The following STUB1 variants were observed in gnomAD, a reference collection of about 807,000 sequenced individuals.
STUB1 encodes the protein STIP1 homology and U-box containing protein 1.
A neutral mutation model predicts 40.3 loss-of-function variants in STUB1; 37 were observed. The observed-to-expected ratio is 0.92, with a 90% CI of 0.71 to 1.21. The LOEUF (loss-of-function observed/expected upper bound fraction) is 1.21. Among genes scored for constraint, STUB1 ranks in the 50% most tolerant of loss-of-function variants. STUB1 has a pLI of 0.00. For synonymous variants in STUB1, 246 were observed against 171.9 expected (o/e 1.43, Z -3.37); for missense variants, 460 against 421.9 (o/e 1.09, Z -0.79).
rs2039722774 is a variant in STUB1 at position 682,696 on chromosome 16, G to A, written c.*207G>A. On this transcript the variant is annotated 3_prime_UTR_variant, in exon 7 of 7. Transcript: ENST00000219548. ...CTGGAAAAGCAGGTGAGGGTGGGCT[G>A]GGCTGAGGCCATTGCCGCCACTATC... The A allele has an allele frequency of 6.8e-7, 1 of 1,468,186 alleles. No individual in the cohort carries two copies. Among genetic ancestry groups the A allele is most frequent in the African/African-American group, 1.4e-5 (1 of 72,250 alleles). The allele number at this position is 1,468,186 out of a possible 1,614,324, so 90.9% of individuals were successfully genotyped here.
rs11558085 is a variant in STUB1 at position 680,620 on chromosome 16, A to G, written c.95A>G (p.Gln32Arg). ...KSPSAQELKE[Q>R]GNRLFVGRKY... is the part of the protein sequence containing the mutation. ...CCGAGCGCGCAGGAGCTCAAGGAGC[A>G]GGGCAATCGTCTGTTCGTGGGCCGA... The change falls in exon 1 of 7, where the codon CAG (glutamine) becomes CGG (arginine). Residue 32 changes from glutamine (Q) to arginine (R), a missense_variant. Coordinates refer to ENST00000219548, the MANE Select transcript of STUB1 (RefSeq NM_005861.4). This position sits in a 1 kb window ranked among gnomAD's most constrained non-coding sequence, Gnocchi z 4.9. 1 of 1,395,916 alleles carries G rather than the reference A, an allele frequency of 7.2e-7. No individual in the cohort carries two copies. Among genetic ancestry groups the G allele is most frequent in the Non-Finnish European group, 9.4e-7 (1 of 1,064,684 alleles). 86.5% of individuals were successfully genotyped at this position (1,395,916 alleles called of 1,614,324 possible). A position where few individuals can be genotyped will look rare whatever the true frequency, so the allele number is the denominator to read the frequency against.
Position 682,509 on chromosome 16 carries a change from C to A in STUB1, c.*20C>A. ...TACTGAGGTTCCCTGCCCTACCTGG[C>A]GTCCTGGTCCAGGGGAGCCCTGGGC... On this transcript the variant is annotated 3_prime_UTR_variant, in exon 7 of 7. Transcript: ENST00000219548. The A allele has an allele frequency of 6.2e-7, 1 of 1,612,786 alleles. No homozygotes were observed. The highest frequency in any genetic ancestry group is 1.7e-5 in the Admixed American group (1 of 60,020).
Position 680,438 on chromosome 16 carries a change from G to C in STUB1, c.-88G>C, listed in dbSNP as rs2039630622. 9.9e-6 allele frequency: 11 copies of C among 1,114,642 alleles called. No homozygotes were observed. Among genetic ancestry groups the C allele is most frequent in the South Asian group, 4.4e-5 (1 of 22,818 alleles). The allele number at this position is 1,114,642 out of a possible 1,614,324, so 69.0% of individuals were successfully genotyped here. ...GCTGGGCCGGGCCCGAGCGGATCGC[G>C]GGCTCGGGCTGCGGGGCTCCGGCTG... On this transcript the variant is annotated 5_prime_UTR_variant, in exon 1 of 7. Coordinates refer to ENST00000219548, the MANE Select transcript of STUB1 (RefSeq NM_005861.4). This position sits in a 1 kb window ranked among gnomAD's most constrained non-coding sequence, Gnocchi z 4.9.
Position 682,158 on chromosome 16 carries a change from G to A in STUB1, c.670-7G>A, listed in dbSNP as rs1307039944. ...TCAGCCTCTGACCGTGTGCCCCTGT[G>A]CCACAGAAGCGAGACATCCCCGACT... On this transcript the variant is annotated splice_region_variant and splice_polypyrimidine_tract_variant and intron_variant, in intron 5 of 6. Transcript: ENST00000219548. The A allele has an allele frequency of 1.9e-6, 3 of 1,602,674 alleles. No individual in the cohort carries two copies. Among genetic ancestry groups the A allele is most frequent in the Non-Finnish European group, 2.6e-6 (3 of 1,171,022 alleles).
rs1409167389 is a variant in STUB1, at chr16:682,624, C to G, written c.*135C>G. 6.9e-7 allele frequency: 1 copy of G among 1,448,738 alleles called. No individual in the cohort carries two copies. Among genetic ancestry groups the G allele is most frequent in the Admixed American group, 2.0e-5 (1 of 50,236 alleles). 89.7% of individuals were successfully genotyped at this position (1,448,738 alleles called of 1,614,324 possible). On this transcript the variant is annotated 3_prime_UTR_variant, in exon 7 of 7. Transcript: ENST00000219548. The stretch of plus-strand genomic sequence containing the variant: ...TGCTGTTGGACTCTGGACTGTTTCC[C>G]CTCTCAGCATCGCTTTTGCTGGGCC...
In STUB1 at chr16:681,300, GC is replaced by G; in HGVS notation, c.310del (p.Gln104SerfsTer26). On this transcript the variant is annotated frameshift_variant, in exon 2 of 7. Coordinates refer to ENST00000219548, the MANE Select transcript of STUB1 (RefSeq NM_005861.4). LOFTEE classifies it high-confidence loss of function. ...SVKAHFFLGQ[C>X]QLEMESYDEA... ...AAGGCGCACTTCTTCCTGGGGCAGT[GC>G]CAGCTGGAGATGGAGAGCTATGATG... 1 of 1,612,924 alleles carries G rather than the reference GC, an allele frequency of 6.2e-7. No homozygotes were observed. Among genetic ancestry groups the G allele is most frequent in the Non-Finnish European group, 8.5e-7 (1 of 1,179,996 alleles).
In STUB1 at chr16:680,556, G is replaced by T. The variant is rs777501465; in HGVS notation, c.31G>T (p.Ala11Ser). ...GGGCAAGGAGGAGAAGGAGGGCGGC[G>T]CACGGCTGGGCGCTGGCGGCGGAAG... MKGKEEKEGG[A>S]RLGAGGGSPE... The change falls in exon 1 of 7, where the codon GCA becomes TCA. Residue 11 changes from alanine (A) to serine (S), a missense_variant. Physicochemically the swap from Ala to Ser is moderately conservative, Grantham distance 99. Coordinates refer to ENST00000219548, the MANE Select transcript of STUB1 (RefSeq NM_005861.4). The surrounding 1 kb of genome is among the most constrained non-coding windows in gnomAD (Gnocchi z 4.9). 5 of 1,360,178 alleles carry T rather than the reference G, an allele frequency of 3.7e-6. No homozygotes were observed. Among genetic ancestry groups the T allele is most frequent in the Non-Finnish European group, 3.8e-6 (4 of 1,046,860 alleles). The allele number at this position is 1,360,178 out of a possible 1,614,324, so 84.3% of individuals were successfully genotyped here.
chr16:680,588 GA>G lies in STUB1; in HGVS notation c.65del (p.Lys22ArgfsTer50), dbSNP rs2039633804. On this transcript the variant is annotated frameshift_variant, in exon 1 of 7. Transcript: ENST00000219548. LOFTEE classifies it high-confidence loss of function. The surrounding 1 kb of genome is among the most constrained non-coding windows in gnomAD (Gnocchi z 4.9). ...TGGGCGCTGGCGGCGGAAGCCCCGA[GA>G]AGAGCCCGAGCGCGCAGGAGCTCAA... ...RLGAGGGSPE[K>X]SPSAQELKEQ... 7.1e-7 allele frequency: 1 copy of G among 1,401,806 alleles called. No homozygotes were observed. Among genetic ancestry groups the G allele is most frequent in the Non-Finnish European group, 9.4e-7 (1 of 1,068,110 alleles). The allele number at this position is 1,401,806 out of a possible 1,614,324, so 86.8% of individuals were successfully genotyped here. A position where few individuals can be genotyped will look rare whatever the true frequency, so the allele number is the denominator to read the frequency against.
In STUB1 at chr16:680,522, C is replaced by T. The variant is rs766115387; in HGVS notation, c.-4C>T. 3.2e-6 allele frequency: 4 copies of T among 1,257,006 alleles called. No homozygotes were observed. Among genetic ancestry groups the T allele is most frequent in the South Asian group, 2.6e-5 (1 of 38,408 alleles). 77.9% of individuals were successfully genotyped at this position (1,257,006 alleles called of 1,614,324 possible). On this transcript the variant is annotated 5_prime_UTR_variant, in exon 1 of 7. Transcript: ENST00000219548. The surrounding 1 kb of genome is among the most constrained non-coding windows in gnomAD (Gnocchi z 4.9). ...GCGGAGCCCAGGCCGTGCCGCGCGGCGCCATGAAGGGCAAGGAGGAGAAGG... is the reference window on the plus strand; with the variant it reads ...GCGGAGCCCAGGCCGTGCCGCGCGGTGCCATGAAGGGCAAGGAGGAGAAGG...
chr16:680,513 G>A lies in STUB1; in HGVS notation c.-13G>A, dbSNP rs2039632348. ...AGCTTGGGAGCGGAGCCCAGGCCGT[G>A]CCGCGCGGCGCCATGAAGGGCAAGG... On this transcript the variant is annotated 5_prime_UTR_variant, in exon 1 of 7. Coordinates refer to ENST00000219548, the MANE Select transcript of STUB1 (RefSeq NM_005861.4). This position sits in a 1 kb window ranked among gnomAD's most constrained non-coding sequence, Gnocchi z 4.9. 4.0e-6 allele frequency: 5 copies of A among 1,239,246 alleles called. No homozygotes were observed. The East Asian group carries it at 1.0e-4, about 25-fold the overall frequency. The allele number at this position is 1,239,246 out of a possible 1,614,324, so 76.8% of individuals were successfully genotyped here.
In STUB1 at chr16:682,087, GTC is replaced by G. The variant is rs1567281863; in HGVS notation, c.669+12_669+13del. 1.9e-6 allele frequency: 3 copies of G among 1,581,432 alleles called. No individual in the cohort carries two copies. Among genetic ancestry groups the G allele is most frequent in the Non-Finnish European group, 2.6e-6 (3 of 1,157,788 alleles). On this transcript the variant is annotated intron_variant, in intron 5 of 6. Coordinates refer to ENST00000219548, the MANE Select transcript of STUB1 (RefSeq NM_005861.4). ...GATGAGAAGAGGAAGGTGAGTGTGT[GTC>G]GCTTGCTGCCGATGGCTGGCAGGTG...
chr16:681,076 G>A (rs2039642447), intron 1 of STUB1, 76 bp from the exon 2 acceptor site: 1 of 1,423,882 alleles, frequency 7.0e-7, no homozygotes, highest in Non-Finnish European at 9.5e-7. Context: ...GAGCGCAGAA[G>A]CTGGGACGGG....
Position 680,754 on chromosome 16 carries a change from C to T in STUB1, c.159+70C>T, listed in dbSNP as rs2039636952. The T allele has an allele frequency of 6.1e-6, 7 of 1,156,118 alleles. No individual in the cohort carries two copies. The highest frequency in any genetic ancestry group is 7.5e-6 in the Non-Finnish European group (7 of 932,476). 71.6% of individuals were successfully genotyped at this position (1,156,118 alleles called of 1,614,324 possible). ...AGGGCCGGGCCCGGGCCCGGCCGGCCCCACCGAGGGTCTGGCTCCTCTTCG... is the reference window on the plus strand; with the variant it reads ...AGGGCCGGGCCCGGGCCCGGCCGGCTCCACCGAGGGTCTGGCTCCTCTTCG... On this transcript the variant is annotated intron_variant, in intron 1 of 6. Coordinates refer to ENST00000219548, the MANE Select transcript of STUB1 (RefSeq NM_005861.4). The surrounding 1 kb of genome is among the most constrained non-coding windows in gnomAD (Gnocchi z 4.9).
intron 1 of STUB1, 141 bp from the exon 2 acceptor site, chr16:681,011 T>C: frequency 1.2e-6 from 1 of 867,710 alleles, no homozygotes. Flanking sequence ...TGTGCACAGA[T>C]CCTTGGACCC....
chr16:681,475 G>A lies in STUB1; in HGVS notation c.396G>A (p.Gly132=), dbSNP rs1054383718. Residue 132 remains glycine, a synonymous_variant, in exon 3 of 7, where the codon GGG becomes GGA. Coordinates refer to ENST00000219548, the MANE Select transcript of STUB1 (RefSeq NM_005861.4). ...SLAKEQRLNF[G]DDIPSALRIA... ...CCAAGGAGCAGCGGCTGAACTTCGGGGACGACATCCCCAGCGCTCTTCGAA... is the reference window on the plus strand; with the variant it reads ...CCAAGGAGCAGCGGCTGAACTTCGGAGACGACATCCCCAGCGCTCTTCGAA... 6.2e-6 allele frequency: 10 copies of A among 1,612,668 alleles called. No homozygotes were observed. The highest frequency in any genetic ancestry group is 2.2e-5 in the East Asian group (1 of 44,882).
intron 2 of STUB1, 36 bp from the exon 3 acceptor site, chr16:681,402 C>T (rs1567279857): frequency 1.9e-6 from 3 of 1,611,084 alleles, no homozygotes; most frequent in African/African-American, 2.7e-5. Context: ...GGCGGGTGGA[C>T]TGGCCAGAGA....
At position 681,898 on chromosome 16, in the gene STUB1, C is replaced by A. The variant is rs1567281086; in HGVS notation, c.612+18C>A. On this transcript the variant is annotated intron_variant, in intron 4 of 6. Coordinates refer to ENST00000219548, the MANE Select transcript of STUB1 (RefSeq NM_005861.4). ...CCAAGCACGTGAGGGTGCCCCCCAC[C>A]CACATGTGGGTCTGTGTGTGTGCAC... The A allele has an allele frequency of 6.2e-7, 1 of 1,612,830 alleles. No homozygotes were observed. The highest frequency in any genetic ancestry group is 8.5e-7 in the Non-Finnish European group (1 of 1,179,860).
At position 680,514 on chromosome 16, in the gene STUB1, C is replaced by A; in HGVS notation, c.-12C>A. 2.4e-6 allele frequency: 3 copies of A among 1,238,976 alleles called. No homozygotes were observed. The highest frequency in any genetic ancestry group is 3.0e-6 in the Non-Finnish European group (3 of 984,926). 76.7% of individuals were successfully genotyped at this position (1,238,976 alleles called of 1,614,324 possible). On this transcript the variant is annotated 5_prime_UTR_variant, in exon 1 of 7. Transcript: ENST00000219548. This position sits in a 1 kb window ranked among gnomAD's most constrained non-coding sequence, Gnocchi z 4.9. ...GCTTGGGAGCGGAGCCCAGGCCGTGCCGCGCGGCGCCATGAAGGGCAAGGA... is the reference window on the plus strand; with the variant it reads ...GCTTGGGAGCGGAGCCCAGGCCGTGACGCGCGGCGCCATGAAGGGCAAGGA...
rs748007054 is a variant in STUB1, at chr16:681,866, AT to A, written c.600del (p.Ile200MetfsTer40). On this transcript the variant is annotated frameshift_variant, in exon 4 of 7. Coordinates refer to ENST00000219548, the MANE Select transcript of STUB1 (RefSeq NM_005861.4). LOFTEE classifies it high-confidence loss of function. ...CCACGTCCGGGCCCAGCAGGCCTGC[AT>A]TGAGGCCAAGCACGTGAGGGTGCCC... ...DSHVRAQQACIEAKHDKYMAD... is the reference protein window; with the variant it reads ...DSHVRAQQACXEAKHDKYMAD... 1 of 1,612,726 alleles carries A rather than the reference AT, an allele frequency of 6.2e-7. No homozygotes were observed. Among genetic ancestry groups the A allele is most frequent in the Non-Finnish European group, 8.5e-7 (1 of 1,179,968 alleles).
Sources: gnomAD v4.1 joint callset for allele counts on GRCh38, gnomAD v4.1.1 for gene constraint, Gnocchi (gnomAD v3.1) non-coding constraint, MANE v1.5 for transcripts, NCBI Gene and HGNC (gene_info 2026-07-23, HGNC 2026-07-21) for gene names.